The following VPS13A variants were observed in gnomAD, a reference collection of about 807,000 sequenced individuals.
The protein encoded by VPS13A is vacuolar protein sorting 13 homolog A.
In VPS13A, 264 loss-of-function variants were observed where a neutral mutation model predicts 390.9. The ratio of observed to expected loss-of-function variants is 0.68; its 90% CI spans 0.61 to 0.75. VPS13A has a LOEUF of 0.75. Among genes scored for constraint, VPS13A ranks in the 30% least tolerant of loss-of-function variants. VPS13A has a pLI of 0.00. For synonymous variants in VPS13A, 1,231 were observed against 1,227.1 expected, an observed-to-expected ratio of 1.00 and a Z score of -0.07; for missense variants, 3,409 against 3,733.9, an observed-to-expected ratio of 0.91 and a Z score of 2.27.
intron 68 of VPS13A, among the ~76,000 whole-genome samples, chr9:77,395,113 G>GGTACTACCC (rs1161406733): frequency 2.6e-5 from 4 of 152,142 alleles, no homozygotes; most frequent in Non-Finnish European, 5.9e-5. Flanking sequence ...TGGTACAAGA[G>GGTACTACCC]GTACTACCTT....
chr9:77,306,191 A>G (rs1317238000), intron 34 of VPS13A, among the ~76,000 whole-genome samples: 1 of 152,190 alleles, frequency 6.6e-6, no homozygotes, highest in Non-Finnish European at 1.5e-5. Flanking sequence ...TTAAAACACT[A>G]AATTAGTGTG....
At chr9:77,332,874 A>C (rs1030635259) in intron 46 of VPS13A, among the ~76,000 whole-genome samples, 4 of 152,214 alleles carry the variant, frequency 2.6e-5, no homozygotes, top group Admixed American at 2.6e-4. Context: ...AACTGCAAAC[A>C]GTGCTTACCT....
intron 62 of VPS13A, among the ~76,000 whole-genome samples, chr9:77,368,525 G>A (rs896837773): frequency 1.3e-5 from 2 of 152,094 alleles, no homozygotes; most frequent in African/African-American, 4.8e-5. Context: ...TTTAACAGAT[G>A]TTTTTCCACT....
At chr9:77,346,193 T>A (rs1831143061) in intron 52 of VPS13A, among the ~76,000 whole-genome samples, 1 of 152,134 alleles carries the variant, frequency 6.6e-6, no homozygotes, top group Admixed American at 6.5e-5. Context: ...TTTTTTTAAT[T>A]TAAATTATGA....
In VPS13A at chr9:77,370,678, T is replaced by A. The variant is rs1832701244; in HGVS notation, c.8907+100T>A. 1.9e-6 allele frequency: 3 copies of A among 1,543,822 alleles called. No individual in the cohort carries two copies. The South Asian group carries it at 3.4e-5, about 18-fold the overall frequency. ...TAGACATGATTCTCACTCCTTAAAT[T>A]ATTATTTGGATATTTTAAGAGCAGT... On this transcript the variant is annotated intron_variant, in intron 65 of 71. Coordinates refer to ENST00000360280, the MANE Select transcript of VPS13A (RefSeq NM_033305.3).
chr9:77,214,243 T>G lies in VPS13A; in HGVS notation c.697-86T>G, dbSNP rs1427083984. On this transcript the variant is annotated intron_variant, in intron 9 of 71. Coordinates refer to ENST00000360280, the MANE Select transcript of VPS13A (RefSeq NM_033305.3). ...GTGAGCTGAGATTGCACCACTGCCC[T>G]CCAGCCTGGGTGACAGGGGGAGACT... 6 of 1,200,040 alleles carry G rather than the reference T, an allele frequency of 5.0e-6. No individual in the cohort carries two copies. The African/African-American group carries it at 9.0e-5, about 18-fold the overall frequency. The allele number at this position is 1,200,040 out of a possible 1,614,324, so 74.3% of individuals were successfully genotyped here.
intron 58 of VPS13A, 47 bp from the exon 59 acceptor site, chr9:77,360,489 T>G (rs772031548): frequency 1.5e-6 from 2 of 1,355,388 alleles, no homozygotes; most frequent in African/African-American, 2.9e-5. Context: ...TGTAATACAG[T>G]TGTTAATTGA....
intron 1 of VPS13A, among the ~76,000 whole-genome samples, chr9:77,196,451 A>T (rs987452696): frequency 6.6e-6 from 1 of 152,112 alleles, no homozygotes; most frequent in Non-Finnish European, 1.5e-5. Context: ...CTGTAACTTT[A>T]TTCTCATTGA....
rs905207087 is a variant in VPS13A, at chr9:77,407,867, AT to A, written c.9474+268del. The stretch of plus-strand genomic sequence containing the variant: ...TTATTTTAAATGCTAACTCTAATTA[AT>A]TTTTTTTAATAAAAAAGTCAACAAA... On this transcript the variant is annotated intron_variant, in intron 71 of 71. Transcript: ENST00000360280. Among the ~76,000 whole-genome samples the A allele has an allele frequency of 2.1e-3, 317 of 151,998 alleles. 1 individual carries two copies. The highest frequency in any genetic ancestry group is 7.3e-3 in the African/African-American group (303 of 41,498).
intron 31 of VPS13A, among the ~76,000 whole-genome samples, chr9:77,287,555 A>G (rs2131359520): frequency 6.6e-6 from 1 of 152,324 alleles, no homozygotes; most frequent in South Asian, 2.1e-4. Flanking sequence ...TGGAATAAAT[A>G]GTAGTTAATC....
intron 35 of VPS13A, among the ~76,000 whole-genome samples, chr9:77,311,635 G>A (rs1172732704): frequency 1.3e-5 from 2 of 152,076 alleles, no homozygotes; most frequent in African/African-American, 4.8e-5. Flanking sequence ...ATCATAGTTG[G>A]GGATTTGAAC....
chr9:77,206,831 C>G (rs1490049631), intron 5 of VPS13A, among the ~76,000 whole-genome samples: 1 of 152,042 alleles, frequency 6.6e-6, no homozygotes, highest in African/African-American at 2.4e-5. Flanking sequence ...ACTGACTTCA[C>G]TGTCTCTGAA....
chr9:77,196,229 T>C (rs1013235210), intron 1 of VPS13A, among the ~76,000 whole-genome samples: 8 of 152,230 alleles, frequency 5.3e-5, no homozygotes, highest in African/African-American at 1.9e-4. Context: ...TGCATATTTA[T>C]TAGGTACAGG....
At chr9:77,208,591 C>A (rs1825805267) in intron 5 of VPS13A, among the ~76,000 whole-genome samples, 1 of 151,944 alleles carries the variant, frequency 6.6e-6, no homozygotes, top group Admixed American at 6.6e-5. Context: ...ACTTTGTCTC[C>A]CAGGATGGAA....
intron 71 of VPS13A, among the ~76,000 whole-genome samples, chr9:77,409,729 C>G (rs141121280): frequency 6.6e-6 from 1 of 150,758 alleles, no homozygotes; most frequent in Non-Finnish European, 1.5e-5. Flanking sequence ...TGAAATGAAG[C>G]GAGAAGAGAA....
Position 77,226,591 on chromosome 9 carries a change from A to T in VPS13A, c.1350A>T (p.Gln450His). 6.2e-7 allele frequency: 1 copy of T among 1,612,216 alleles called. No homozygotes were observed. The highest frequency in any genetic ancestry group is 2.2e-5 in the East Asian group (1 of 44,696). The change falls in exon 15 of 72, where the codon CAA (glutamine) becomes CAT (histidine). Residue 450 changes from glutamine to histidine, a missense_variant. By Grantham distance (24) the Gln-to-His change is conservative. Coordinates refer to ENST00000360280, the MANE Select transcript of VPS13A (RefSeq NM_033305.3). The stretch of plus-strand genomic sequence containing the variant: ...CTAATGAACAGCAACCAGATGTTCA[A>T]CCTGAAAGTATGTCCATTTCATTTT... ...QNTNEQQPDV[Q>H]PETLEEMLTP...
At position 77,340,640 on chromosome 9, in the gene VPS13A, T is replaced by C; in HGVS notation, c.7026+90T>C. 7 of 1,509,376 alleles carry C rather than the reference T, an allele frequency of 4.6e-6. No homozygotes were observed. The South Asian group carries it at 8.1e-5, about 17-fold the overall frequency. 93.5% of individuals were successfully genotyped at this position (1,509,376 alleles called of 1,614,324 possible). A position where few individuals can be genotyped will look rare whatever the true frequency, so the allele number is the denominator to read the frequency against. The stretch of plus-strand genomic sequence containing the variant: ...TAAAGTCACCATGTAATGTTTTAAC[T>C]CTCCCCTTACTCCAATTTTGTTTTA... On this transcript the variant is annotated intron_variant, in intron 50 of 71. Coordinates refer to ENST00000360280, the MANE Select transcript of VPS13A (RefSeq NM_033305.3).
chr9:77,234,456 T>C (rs1447295635), intron 17 of VPS13A, among the ~76,000 whole-genome samples: 1 of 152,376 alleles, frequency 6.6e-6, no homozygotes, highest in South Asian at 2.1e-4. Context: ...GGATGTAAAA[T>C]GAGTCTCTTT....
chr9:77,288,727 A>G (rs1325394535), intron 31 of VPS13A, among the ~76,000 whole-genome samples: 1 of 152,168 alleles, frequency 6.6e-6, no homozygotes, highest in Non-Finnish European at 1.5e-5. Context: ...TGAAATTAAT[A>G]TGTGTTTTGC....
Sources: allele counts gnomAD v4.1 joint callset (sites outside exome capture counted in the v4.1 genomes callset), GRCh38; gene constraint gnomAD v4.1.1; transcripts MANE v1.5; gene names NCBI Gene and HGNC (gene_info 2026-07-23, HGNC 2026-07-21).